Variants in NUMB observed in about 807,000 individuals in gnomAD.
NUMB encodes protein numb homolog.
In NUMB, 29 loss-of-function variants were observed where a neutral mutation model predicts 59.7. That is an observed-to-expected ratio of 0.49 (90% CI 0.36 to 0.66). The LOEUF (loss-of-function observed/expected upper bound fraction) is 0.66, where lower values mean the gene tolerates loss of function less well. Ranked by LOEUF, NUMB falls within the 30% of genes least tolerant of loss-of-function variation. NUMB has a pLI of 0.00. For missense variants in NUMB, 723 were observed against 822.0 expected, an observed-to-expected ratio of 0.88 and a Z score of 1.47; for synonymous variants, 288 against 288.2, an observed-to-expected ratio of 1.00 and a Z score of 0.01.
At chr14:73,440,672 A>C (rs1014712241) in intron 1 of NUMB, among the ~76,000 whole-genome samples, 4 of 151,730 alleles carry the variant, frequency 2.6e-5, no homozygotes, top group African/African-American at 9.7e-5. Flanking sequence ...TCTACTAAAA[A>C]TACAAAAAAT....
At chr14:73,442,064 A>G (rs1566799205) in intron 1 of NUMB, among the ~76,000 whole-genome samples, 1 of 151,758 alleles carries the variant, frequency 6.6e-6, no homozygotes, top group Non-Finnish European at 1.5e-5. Context: ...AAACAATGAA[A>G]AGAGACCCGG....
At chr14:73,440,230 GATATCCAT>G (rs1882941083) in intron 1 of NUMB, among the ~76,000 whole-genome samples, 3 of 63,098 alleles carry the variant, frequency 4.8e-5, no homozygotes, top group Non-Finnish European at 9.7e-5. Context: ...TATATATATG[GATATCCAT>G]ATATATATAC....
chr14:73,316,556 G>C, intron 5 of NUMB, 134 bp from the exon 6 acceptor site: 1 of 749,216 alleles, frequency 1.3e-6, no homozygotes, highest in Non-Finnish European at 2.3e-6. Context: ...GTTTCAAAGA[G>C]TTATCCACAC....
intron 8 of NUMB, among the ~76,000 whole-genome samples, chr14:73,289,364 A>G (rs72734486): frequency 0.02 from 3,079 of 152,342 alleles, 51 homozygotes; most frequent in Non-Finnish European, 0.034. Flanking sequence ...AATAAATTCA[A>G]TGGATGATTT....
intron 8 of NUMB, among the ~76,000 whole-genome samples, chr14:73,288,429 T>C (rs1461124774): frequency 6.6e-6 from 1 of 152,024 alleles, no homozygotes; most frequent in Non-Finnish European, 1.5e-5. Context: ...CGGGTGCCTG[T>C]AATCCCAGCT....
At chr14:73,287,917 G>C (rs1421755093) in intron 8 of NUMB, among the ~76,000 whole-genome samples, 1 of 152,136 alleles carries the variant, frequency 6.6e-6, no homozygotes, top group Non-Finnish European at 1.5e-5. Flanking sequence ...CAACAGCTTA[G>C]AAGACTCTAT....
At chr14:73,414,876 C>T (rs1264039570) in intron 1 of NUMB, among the ~76,000 whole-genome samples, 2 of 152,124 alleles carry the variant, frequency 1.3e-5, no homozygotes, top group South Asian at 2.1e-4. Flanking sequence ...CCCACCACCA[C>T]GCCCAGCTAA....
At chr14:73,442,375 AAAT>A (rs144381465) in intron 1 of NUMB, among the ~76,000 whole-genome samples, 4,920 of 151,912 alleles carry the variant, frequency 0.032, 122 homozygotes, top group Non-Finnish European at 0.047. Context: ...CCCATCTCAA[AAAT>A]AATAATAATA....
At chr14:73,376,378 C>A (rs1894944328) in intron 2 of NUMB, among the ~76,000 whole-genome samples, 1 of 151,894 alleles carries the variant, frequency 6.6e-6, no homozygotes, top group Admixed American at 6.6e-5. Context: ...AATGAAAAAA[C>A]TGATTAAAGA....
intron 1 of NUMB, among the ~76,000 whole-genome samples, chr14:73,432,605 G>A (rs1026680437): frequency 1.3e-5 from 2 of 151,946 alleles, no homozygotes; most frequent in African/African-American, 4.8e-5. Context: ...CATACGGGCA[G>A]GATAAGAATT....
chr14:73,296,922 C>A (rs1044727774), intron 7 of NUMB, among the ~76,000 whole-genome samples: 11 of 152,218 alleles, frequency 7.2e-5, no homozygotes, highest in African/African-American at 2.6e-4. Flanking sequence ...AATCCCAGCA[C>A]TTTGGGAGGC....
chr14:73,330,310 G>C (rs1284334249), intron 4 of NUMB, among the ~76,000 whole-genome samples: 3 of 152,128 alleles, frequency 2.0e-5, no homozygotes, highest in African/African-American at 7.2e-5. Context: ...GAGATTACAG[G>C]CTTCAGCCAC....
At chr14:73,298,556 C>T (rs952267668) in intron 6 of NUMB, 1 of 152,182 alleles carries the variant, frequency 6.6e-6, no homozygotes, top group Non-Finnish European at 1.5e-5. Context: ...AGTGTCCTTT[C>T]TTTTTAACTG....
At chr14:73,316,461 A>G in intron 5 of NUMB, 39 bp from the exon 6 acceptor site, 1 of 1,590,438 alleles carries the variant, frequency 6.3e-7, no homozygotes, top group South Asian at 1.1e-5. Flanking sequence ...CTATTATTGT[A>G]TGGCCTAAAT....
At chr14:73,432,119 G>A (rs977138821) in intron 1 of NUMB, among the ~76,000 whole-genome samples, 1 of 152,016 alleles carries the variant, frequency 6.6e-6, no homozygotes, top group Non-Finnish European at 1.5e-5. Context: ...AGAATGTACT[G>A]ATTACCAATC....
chr14:73,331,739 G>A (rs1323970395), intron 4 of NUMB, among the ~76,000 whole-genome samples: 1 of 152,050 alleles, frequency 6.6e-6, no homozygotes, highest in East Asian at 1.9e-4. Flanking sequence ...AGATCTTATG[G>A]TTTTATAAGC....
intron 1 of NUMB, among the ~76,000 whole-genome samples, chr14:73,446,757 T>C (rs1325580195): frequency 1.4e-5 from 2 of 145,608 alleles, no homozygotes; most frequent in Non-Finnish European, 3.0e-5. Flanking sequence ...CCTCATATCT[T>C]AAAAAAAAAA....
chr14:73,353,072 G>GTTTT lies in NUMB; in HGVS notation c.126+2550_126+2553dup, dbSNP rs71112737. The stretch of plus-strand genomic sequence containing the variant: ...CTTAATGGATGCCACAGTTTTTCTT[G>GTTTT]TTTTTTTTTTTTTTTTTTTTTTTTT... On this transcript the variant is annotated intron_variant, in intron 4 of 12. Coordinates refer to ENST00000555238, the MANE Select transcript of NUMB (RefSeq NM_001005743.2). Among the ~76,000 whole-genome samples, 145 of 58,502 alleles carry GTTTT rather than the reference G, an allele frequency of 2.5e-3. 21 individuals carry two copies. Among genetic ancestry groups the GTTTT allele is most frequent in the African/African-American group, 7.5e-3 (132 of 17,550 alleles). The allele number at this position is 58,502 out of a possible 152,430, so 38.4% of individuals were successfully genotyped here. A position where few individuals can be genotyped will look rare whatever the true frequency, so the allele number is the denominator to read the frequency against.
chr14:73,385,999 C>T (rs1234331976), intron 2 of NUMB, among the ~76,000 whole-genome samples: 1 of 152,080 alleles, frequency 6.6e-6, no homozygotes, highest in African/African-American at 2.4e-5. Context: ...TGTCTGACAA[C>T]CTTAACTAGC....
Sources: allele counts gnomAD v4.1 joint callset (sites outside exome capture counted in the v4.1 genomes callset), GRCh38; gene constraint gnomAD v4.1.1; transcripts MANE v1.5; gene names NCBI Gene and HGNC (gene_info 2026-07-23, HGNC 2026-07-21).